LSAMP: variants seen among roughly 807,000 people sequenced by gnomAD.
LSAMP encodes the protein limbic system-associated membrane protein.
In LSAMP, 7 loss-of-function variants were observed where a neutral mutation model predicts 38.6. The ratio of observed to expected loss-of-function variants is 0.18; its 90% CI spans 0.10 to 0.34. LSAMP has a LOEUF of 0.34. Among genes scored for constraint, LSAMP ranks in the 10% least tolerant of loss-of-function variants. The probability of loss-of-function intolerance (pLI) is 1.00; values close to 1 mark genes in which losing one functional copy is unlikely to be tolerated. For synonymous variants in LSAMP, 154 were observed against 166.8 expected (o/e 0.92, Z 0.59); for missense variants, 313 against 420.0 (o/e 0.75, Z 2.23).
intron 6 of LSAMP, among the ~76,000 whole-genome samples, chr3:115,826,804 C>G (rs1053222707): frequency 6.6e-6 from 1 of 151,950 alleles, no homozygotes; most frequent in East Asian, 1.9e-4. Flanking sequence ...GAAAAGAAAA[C>G]GTGACCTCTA....
At chr3:116,092,188 A>G (rs539741975) in intron 1 of LSAMP, among the ~76,000 whole-genome samples, 17 of 152,324 alleles carry the variant, frequency 1.1e-4, no homozygotes, top group African/African-American at 3.4e-4. Context: ...TAAAATATTC[A>G]TTAATTATCT....
intron 5 of LSAMP, 145 bp from the exon 6 acceptor site, chr3:115,842,138 T>G (rs1935017325): frequency 6.1e-6 from 5 of 817,024 alleles, no homozygotes; most frequent in Admixed American, 6.0e-5. Flanking sequence ...CTATTTTAAC[T>G]GTGCAATGCC....
chr3:116,367,758 C>T (rs1305598576), intron 1 of LSAMP, among the ~76,000 whole-genome samples: 1 of 152,038 alleles, frequency 6.6e-6, no homozygotes, highest in East Asian at 1.9e-4. Flanking sequence ...ATCCACCTGC[C>T]TCAGCCTCCC....
intron 3 of LSAMP, among the ~76,000 whole-genome samples, chr3:115,896,571 G>T (rs1936733993): frequency 6.6e-6 from 1 of 152,048 alleles, no homozygotes; most frequent in South Asian, 2.1e-4. Flanking sequence ...AAACAGTGTA[G>T]AATGAGATCT....
chr3:115,954,959 G>GTTT (rs56322133), intron 3 of LSAMP, among the ~76,000 whole-genome samples: 1 of 147,302 alleles, frequency 6.8e-6, no homozygotes, highest in Non-Finnish European at 1.5e-5. Flanking sequence ...TTTTGTTTTT[G>GTTT]TTTTTTTTTT....
chr3:116,439,698 C>G (rs2107887503), intron 1 of LSAMP, among the ~76,000 whole-genome samples: 1 of 152,328 alleles, frequency 6.6e-6, no homozygotes, highest in African/African-American at 2.4e-5. Flanking sequence ...TGTAGGGTAA[C>G]TAAAATAGAT....
intron 1 of LSAMP, among the ~76,000 whole-genome samples, chr3:116,190,001 C>T (rs1710715284): frequency 6.6e-6 from 1 of 151,548 alleles, no homozygotes; most frequent in East Asian, 1.9e-4. Flanking sequence ...TAAATATGTA[C>T]AATTTTACCT....
At chr3:116,376,066 T>C (rs1252538520) in intron 1 of LSAMP, among the ~76,000 whole-genome samples, 1 of 152,036 alleles carries the variant, frequency 6.6e-6, no homozygotes. Flanking sequence ...GCATGAACTT[T>C]TCAGAACTTC....
intron 1 of LSAMP, among the ~76,000 whole-genome samples, chr3:116,113,420 ATTTTTT>A (rs374608044): frequency 2.0e-5 from 1 of 51,044 alleles, no homozygotes; most frequent in Admixed American, 3.6e-4. Context: ...ATATATATAT[ATTTTTT>A]TTTTTTTTTT....
At chr3:116,346,351 CAG>C (rs1382480753) in intron 1 of LSAMP, among the ~76,000 whole-genome samples, 3 of 142,190 alleles carry the variant, frequency 2.1e-5, no homozygotes, top group East Asian at 2.1e-4. Context: ...CTTTTTGTGA[CAG>C]AGTCTCATTC....
chr3:116,020,246 A>G lies in LSAMP; in HGVS notation c.389-606T>C, dbSNP rs146303206. Among the ~76,000 whole-genome samples, 15 of 152,336 alleles carry G rather than the reference A, an allele frequency of 9.8e-5. No homozygotes were observed. The East Asian group carries it at 2.9e-3, about 29-fold the overall frequency. On this transcript the variant is annotated intron_variant, in intron 2 of 6. Coordinates refer to ENST00000490035, the MANE Select transcript of LSAMP (RefSeq NM_002338.5). ...CTTAAAACGTGAATTAATAAGGCCT[A>G]TCTCACAGACAGGTAGACATTCAAA...
chr3:116,116,522 C>T (rs905652026), intron 1 of LSAMP, among the ~76,000 whole-genome samples: 2 of 143,758 alleles, frequency 1.4e-5, no homozygotes, highest in Non-Finnish European at 3.0e-5. Flanking sequence ...CGGTGAAACC[C>T]CATCTCTACT....
intron 3 of LSAMP, among the ~76,000 whole-genome samples, chr3:116,010,591 C>T (rs1024796371): frequency 6.6e-6 from 1 of 152,078 alleles, no homozygotes; most frequent in Non-Finnish European, 1.5e-5. Flanking sequence ...GGGCTAGCTA[C>T]AAGAATGTTG....
chr3:116,295,434 T>C (rs1326598538), intron 1 of LSAMP, among the ~76,000 whole-genome samples: 1 of 152,216 alleles, frequency 6.6e-6, no homozygotes, highest in Non-Finnish European at 1.5e-5. Context: ...AGGAATTTAT[T>C]TTTTCCTCAT....
intron 1 of LSAMP, among the ~76,000 whole-genome samples, chr3:116,217,728 T>TTC (rs1246372635): frequency 6.6e-6 from 1 of 152,244 alleles, no homozygotes; most frequent in Non-Finnish European, 1.5e-5. Context: ...AACTGAGAAT[T>TTC]TGAAAAATTA....
chr3:116,302,360 A>T (rs1415056755), intron 1 of LSAMP, among the ~76,000 whole-genome samples: 1 of 152,074 alleles, frequency 6.6e-6, no homozygotes, highest in African/African-American at 2.4e-5. Flanking sequence ...TTCATTCCCT[A>T]GTTCTCAGCC....
At chr3:115,934,339 G>A (rs754370267) in intron 3 of LSAMP, among the ~76,000 whole-genome samples, 7 of 151,544 alleles carry the variant, frequency 4.6e-5, no homozygotes, top group Non-Finnish European at 7.4e-5. Flanking sequence ...CACCATGCCC[G>A]GCTAATTTTT....
At chr3:115,925,531 T>C (rs188693768) in intron 3 of LSAMP, among the ~76,000 whole-genome samples, 89 of 152,280 alleles carry the variant, frequency 5.8e-4, no homozygotes, top group African/African-American at 2.0e-3. Context: ...GTCTTGGTAA[T>C]ATTAAGTATT....
rs997748803 is a variant in LSAMP at position 116,445,114 on chromosome 3, G to T, written c.-83C>A. Reference sequence around the variant, plus strand: ...CGAGGAGAGGCTTCACCAACACGGGGCTTTCATCCACAGCGAGCGCAGAGC... The same window carrying T: ...CGAGGAGAGGCTTCACCAACACGGGTCTTTCATCCACAGCGAGCGCAGAGC... On this transcript the variant is annotated 5_prime_UTR_variant, in exon 1 of 7. Coordinates refer to ENST00000490035, the MANE Select transcript of LSAMP (RefSeq NM_002338.5). 1.1e-5 allele frequency: 15 copies of T among 1,406,522 alleles called. No homozygotes were observed. Among genetic ancestry groups the T allele is most frequent in the Non-Finnish European group, 9.7e-6 (10 of 1,032,966 alleles). 87.1% of individuals were successfully genotyped at this position (1,406,522 alleles called of 1,614,324 possible). A position where few individuals can be genotyped will look rare whatever the true frequency, so the allele number is the denominator to read the frequency against.
Sources: allele counts gnomAD v4.1 joint callset (sites outside exome capture counted in the v4.1 genomes callset), GRCh38; gene constraint gnomAD v4.1.1; transcripts MANE v1.5; gene names NCBI Gene and HGNC (gene_info 2026-07-23, HGNC 2026-07-21).